CADPS: variants seen among roughly 807,000 people sequenced by gnomAD.
The protein encoded by CADPS is calcium-dependent secretion activator 1.
In CADPS, 57 loss-of-function variants were observed where a neutral mutation model predicts 167.3. That is an observed-to-expected ratio of 0.34 (90% CI 0.28 to 0.42). The LOEUF is 0.42. Among genes scored for constraint, CADPS ranks in the 20% least tolerant of loss-of-function variants. The pLI is 1.00. For synonymous variants in CADPS, 676 were observed against 635.3 expected (o/e 1.06, Z -0.96); for missense variants, 1,414 against 1,738.1 (o/e 0.81, Z 3.32).
chr3:62,693,599 T>C (rs1214136105), intron 3 of CADPS, among the ~76,000 whole-genome samples: 2 of 151,838 alleles, frequency 1.3e-5, no homozygotes, highest in South Asian at 2.1e-4. Flanking sequence ...CTGGGCAATA[T>C]GGTGAAACTC....
intron 6 of CADPS, among the ~76,000 whole-genome samples, chr3:62,639,624 T>C (rs9877816): frequency 0.04 from 6,028 of 152,298 alleles, 412 homozygotes; most frequent in African/African-American, 0.13. Flanking sequence ...CAATATATGG[T>C]TCCAAGTTTA....
At chr3:62,759,683 A>G (rs1343671047) in intron 2 of CADPS, among the ~76,000 whole-genome samples, 1 of 152,168 alleles carries the variant, frequency 6.6e-6, no homozygotes, top group Non-Finnish European at 1.5e-5. Flanking sequence ...TGACATGCAT[A>G]GATACATTGA....
chr3:62,432,000 T>A (rs2054071296), intron 28 of CADPS, among the ~76,000 whole-genome samples: 1 of 152,062 alleles, frequency 6.6e-6, no homozygotes, highest in Admixed American at 6.6e-5. Context: ...ATACATATAC[T>A]GCATCTTAAT....
chr3:62,852,199 A>T (rs1457067261), intron 1 of CADPS, among the ~76,000 whole-genome samples: 1 of 150,670 alleles, frequency 6.6e-6, no homozygotes, highest in Admixed American at 6.6e-5. Flanking sequence ...AAAGTTTTCA[A>T]CTTCTTTGCC....
chr3:62,445,893 C>T (rs2057143434), intron 26 of CADPS, 96 bp from the exon 27 acceptor site: 1 of 811,088 alleles, frequency 1.2e-6, no homozygotes, highest in South Asian at 3.7e-5. Flanking sequence ...AAACAACATG[C>T]TGGCACATGG....
chr3:62,599,842 A>AAATAATATAT (rs1562718104), intron 6 of CADPS, among the ~76,000 whole-genome samples: 10 of 33,386 alleles, frequency 3.0e-4, no homozygotes, highest in African/African-American at 1.4e-3. Flanking sequence ...ATAATATATT[A>AAATAATATAT]TATATATATA....
At chr3:62,558,246 T>C (rs895952143) in intron 9 of CADPS, among the ~76,000 whole-genome samples, 2 of 152,208 alleles carry the variant, frequency 1.3e-5, no homozygotes, top group Admixed American at 6.5e-5. Context: ...CTGTTGTCAC[T>C]TGTGCCCTAA....
chr3:62,866,575 G>C (rs1227047589), intron 1 of CADPS, among the ~76,000 whole-genome samples: 1 of 152,022 alleles, frequency 6.6e-6, no homozygotes, highest in African/African-American at 2.4e-5. Flanking sequence ...TTTGAGTAAG[G>C]TTTCCTAAAG....
chr3:62,737,863 C>A (rs77228732), intron 3 of CADPS, among the ~76,000 whole-genome samples: 1 of 152,140 alleles, frequency 6.6e-6, no homozygotes, highest in East Asian at 1.9e-4. Flanking sequence ...ACTTCTCTGT[C>A]TACATAATCT....
At chr3:62,752,169 G>A (rs534551125) in intron 3 of CADPS, among the ~76,000 whole-genome samples, 1 of 152,272 alleles carries the variant, frequency 6.6e-6, no homozygotes, top group African/African-American at 2.4e-5. Flanking sequence ...GATAGTGGTG[G>A]TGGAGGCTAA....
chr3:62,450,247 T>C (rs1219467783), intron 26 of CADPS, among the ~76,000 whole-genome samples: 2 of 152,220 alleles, frequency 1.3e-5, no homozygotes, highest in Non-Finnish European at 2.9e-5. Flanking sequence ...ACCCTCTAAA[T>C]GTTGAGGCTG....
At chr3:62,757,603 T>C (rs564684089) in intron 2 of CADPS, among the ~76,000 whole-genome samples, 1 of 152,152 alleles carries the variant, frequency 6.6e-6, no homozygotes, top group Admixed American at 6.5e-5. Flanking sequence ...AACAAGAGAC[T>C]TAGGCTAGAT....
At chr3:62,605,438 A>G (rs932853196) in intron 6 of CADPS, among the ~76,000 whole-genome samples, 1 of 152,218 alleles carries the variant, frequency 6.6e-6, no homozygotes, top group African/African-American at 2.4e-5. Context: ...TTAGCCTCTC[A>G]GGTTTCAGTC....
chr3:62,467,168 C>G (rs1417289470), intron 24 of CADPS: 1 of 323,818 alleles, frequency 3.1e-6, no homozygotes, highest in Non-Finnish European at 5.1e-6. Context: ...GTGATTTTAA[C>G]ACAAAATATT....
At chr3:62,699,610 C>G (rs909430836) in intron 3 of CADPS, among the ~76,000 whole-genome samples, 2 of 152,000 alleles carry the variant, frequency 1.3e-5, no homozygotes, top group African/African-American at 4.8e-5. Flanking sequence ...GCTTTGTTGC[C>G]CAGGCTGGAG....
At chr3:62,731,944 C>T (rs190855582) in intron 3 of CADPS, among the ~76,000 whole-genome samples, 283 of 141,148 alleles carry the variant, frequency 2.0e-3, no homozygotes, top group Non-Finnish European at 3.7e-3. Flanking sequence ...AGAGGTGGAG[C>T]CATGTAAGCT....
intron 1 of CADPS, among the ~76,000 whole-genome samples, chr3:62,787,620 C>T (rs1041043104): frequency 6.6e-6 from 1 of 152,002 alleles, no homozygotes; most frequent in Admixed American, 6.6e-5. Flanking sequence ...AAATGTTTTA[C>T]TGATAGGATG....
intron 1 of CADPS, among the ~76,000 whole-genome samples, chr3:62,772,746 G>A (rs1257276767): frequency 6.6e-6 from 1 of 152,164 alleles, no homozygotes; most frequent in Non-Finnish European, 1.5e-5. Context: ...GATGCTTATT[G>A]GTTAATATGT....
chr3:62,598,981 T>A (rs2059303202), intron 6 of CADPS, among the ~76,000 whole-genome samples: 1 of 152,152 alleles, frequency 6.6e-6, no homozygotes, highest in Non-Finnish European at 1.5e-5. Context: ...GGAGGAAGCA[T>A]CAAAAACCTT....
Sources: gnomAD v4.1 joint callset for allele counts (sites outside exome capture counted in the v4.1 genomes callset) on GRCh38, gnomAD v4.1.1 for gene constraint, MANE v1.5 for transcripts, NCBI Gene and HGNC (gene_info 2026-07-23, HGNC 2026-07-21) for gene names.